Variants in IGF2BP2 observed in about 807,000 individuals in gnomAD.
IGF2BP2 encodes insulin like growth factor 2 mRNA binding protein 2, also known as insulin-like growth factor 2 mRNA-binding protein 2.
A neutral mutation model predicts 75.8 loss-of-function variants in IGF2BP2; 17 were observed. The ratio of observed to expected loss-of-function variants is 0.22; its 90% CI spans 0.15 to 0.34. The LOEUF (loss-of-function observed/expected upper bound fraction) is 0.34, where lower values mean the gene tolerates loss of function less well. Among genes scored for constraint, IGF2BP2 ranks in the 10% least tolerant of loss-of-function variants. The pLI, the probability that IGF2BP2 is intolerant of heterozygous loss-of-function variation, is 1.00. For synonymous variants in IGF2BP2, 288 were observed against 295.6 expected, an observed-to-expected ratio of 0.97 and a Z score of 0.26; for missense variants, 516 against 772.4, an observed-to-expected ratio of 0.67 and a Z score of 3.93.
chr3:185,751,181 C>A (rs944163807), intron 2 of IGF2BP2, among the ~76,000 whole-genome samples: 1 of 152,016 alleles, frequency 6.6e-6, no homozygotes, highest in Non-Finnish European at 1.5e-5. Context: ...CCACTGCCTC[C>A]GGCCAAAAAA....
At chr3:185,709,877 G>C (rs996866651) in intron 2 of IGF2BP2, among the ~76,000 whole-genome samples, 1 of 152,134 alleles carries the variant, frequency 6.6e-6, no homozygotes, top group Non-Finnish European at 1.5e-5. Flanking sequence ...CAAATTTTTC[G>C]ACTGGAGGTT....
intron 2 of IGF2BP2, among the ~76,000 whole-genome samples, chr3:185,710,439 T>TA (rs1215643771): frequency 6.6e-6 from 1 of 151,728 alleles, no homozygotes; most frequent in Non-Finnish European, 1.5e-5. Flanking sequence ...CTGAAGAAAG[T>TA]AAAAAAAGAC....
intron 2 of IGF2BP2, among the ~76,000 whole-genome samples, chr3:185,725,726 C>T (rs908746857): frequency 2.0e-5 from 3 of 152,178 alleles, no homozygotes; most frequent in African/African-American, 7.2e-5. Context: ...AATCCCAACA[C>T]TTTGGGAGGC....
intron 2 of IGF2BP2, among the ~76,000 whole-genome samples, chr3:185,701,327 C>T (rs1307214888): frequency 8.7e-6 from 1 of 114,668 alleles, no homozygotes; most frequent in African/African-American, 3.4e-5. Flanking sequence ...CCTTAATATA[C>T]AAGACTTATT....
intron 10 of IGF2BP2, among the ~76,000 whole-genome samples, chr3:185,661,979 C>T (rs1253920385): frequency 6.6e-6 from 1 of 152,012 alleles, no homozygotes; most frequent in African/African-American, 2.4e-5. Flanking sequence ...TACTGGAAAA[C>T]AGAAAGGAGG....
intron 2 of IGF2BP2, among the ~76,000 whole-genome samples, chr3:185,788,905 T>C (rs556468816): frequency 6.6e-6 from 1 of 151,798 alleles, no homozygotes; most frequent in African/African-American, 2.4e-5. Flanking sequence ...AGAGACAGGG[T>C]GTTCACCATG....
At chr3:185,800,390 G>A (rs1738049954) in intron 2 of IGF2BP2, among the ~76,000 whole-genome samples, 1 of 151,896 alleles carries the variant, frequency 6.6e-6, no homozygotes, top group African/African-American at 2.4e-5. Flanking sequence ...TAACAAACCT[G>A]CACATTGTGC....
At chr3:185,795,346 T>C (rs920302139) in intron 2 of IGF2BP2, among the ~76,000 whole-genome samples, 12 of 152,228 alleles carry the variant, frequency 7.9e-5, no homozygotes, top group Admixed American at 7.2e-4. Context: ...TGTATGTCCA[T>C]ACCACATTTG....
intron 2 of IGF2BP2, among the ~76,000 whole-genome samples, chr3:185,701,460 T>C (rs1723299983): frequency 6.6e-6 from 1 of 152,110 alleles, no homozygotes; most frequent in African/African-American, 2.4e-5. Flanking sequence ...AAATCTTATT[T>C]CTTATTCTTG....
At chr3:185,787,702 C>T (rs1736087217) in intron 2 of IGF2BP2, among the ~76,000 whole-genome samples, 1 of 151,488 alleles carries the variant, frequency 6.6e-6, no homozygotes, top group South Asian at 2.1e-4. Context: ...CACTGCACTC[C>T]CGCCTGGGCA....
chr3:185,650,739 T>A (rs1287700898), intron 13 of IGF2BP2, among the ~76,000 whole-genome samples: 1 of 151,776 alleles, frequency 6.6e-6, no homozygotes, highest in Non-Finnish European at 1.5e-5. Flanking sequence ...TGTTGTGCAA[T>A]CATCACCATT....
chr3:185,727,443 C>CA (rs913094833), intron 2 of IGF2BP2, among the ~76,000 whole-genome samples: 9 of 151,868 alleles, frequency 5.9e-5, no homozygotes, highest in African/African-American at 2.2e-4. Flanking sequence ...CTCTTGGCCT[C>CA]AAAGACAGAA....
At position 185,676,753 on chromosome 3, in the gene IGF2BP2, GGA is replaced by G. The variant is rs1188660736; in HGVS notation, c.813-842_813-841del. Among the ~76,000 whole-genome samples, 5 of 111,024 alleles carry G rather than the reference GGA, an allele frequency of 4.5e-5. No homozygotes were observed. The South Asian group carries it at 9.5e-4, about 21-fold the overall frequency. 72.8% of individuals were successfully genotyped at this position (111,024 alleles called of 152,430 possible). A position where few individuals can be genotyped will look rare whatever the true frequency, so the allele number is the denominator to read the frequency against. On this transcript the variant is annotated intron_variant, in intron 7 of 15. Coordinates refer to ENST00000382199, the MANE Select transcript of IGF2BP2 (RefSeq NM_006548.6). Reference sequence around the variant, plus strand: ...AGATGTATATATATATATATTTACTGGAGATATATATATATATGGAGATATAT... The same window carrying G: ...AGATGTATATATATATATATTTACTGGATATATATATATATGGAGATATAT...
chr3:185,814,893 A>T (rs1248463890), intron 2 of IGF2BP2, among the ~76,000 whole-genome samples: 1 of 152,182 alleles, frequency 6.6e-6, no homozygotes, highest in Non-Finnish European at 1.5e-5. Context: ...AATAAGGTGA[A>T]CCATTTTCTA....
intron 2 of IGF2BP2, among the ~76,000 whole-genome samples, chr3:185,703,702 A>G (rs921427880): frequency 6.6e-6 from 1 of 152,150 alleles, no homozygotes; most frequent in Non-Finnish European, 1.5e-5. Context: ...TGAACCTGGG[A>G]GGTGGAGGCT....
intron 11 of IGF2BP2, 35 bp from the exon 12 acceptor site, chr3:185,657,437 C>T: frequency 6.6e-7 from 1 of 1,520,064 alleles, no homozygotes; most frequent in Non-Finnish European, 9.1e-7. Context: ...GACATCATTC[C>T]AACCAGGCTT....
At chr3:185,655,776 A>C (rs1715343417) in intron 12 of IGF2BP2, among the ~76,000 whole-genome samples, 1 of 152,208 alleles carries the variant, frequency 6.6e-6, no homozygotes, top group Admixed American at 6.5e-5. Context: ...GATATGGTGG[A>C]AAAACACACT....
intron 2 of IGF2BP2, among the ~76,000 whole-genome samples, chr3:185,731,879 G>C (rs908686814): frequency 2.0e-5 from 3 of 152,068 alleles, no homozygotes; most frequent in Admixed American, 2.0e-4. Flanking sequence ...CTACTCAGGA[G>C]GCTGAGGCAG....
intron 2 of IGF2BP2, among the ~76,000 whole-genome samples, chr3:185,768,930 G>A (rs1733478537): frequency 6.6e-6 from 1 of 152,212 alleles, no homozygotes; most frequent in Non-Finnish European, 1.5e-5. Flanking sequence ...AGGAGGCTGA[G>A]ACAGGAGAAT....
Sources: gnomAD v4.1 joint callset for allele counts (sites outside exome capture counted in the v4.1 genomes callset) on GRCh38, gnomAD v4.1.1 for gene constraint, MANE v1.5 for transcripts, NCBI Gene and HGNC (gene_info 2026-07-23, HGNC 2026-07-21) for gene names.